DENND2C: variants seen among roughly 807,000 people sequenced by gnomAD.
DENND2C encodes DENN domain-containing protein 2C.
A neutral mutation model predicts 112.4 loss-of-function variants in DENND2C; 72 were observed. The observed-to-expected ratio is 0.64, with a 90% CI of 0.53 to 0.78. The LOEUF is 0.78. Ranked by LOEUF, DENND2C falls within the 30% of genes least tolerant of loss-of-function variation. DENND2C has a pLI of 0.00. For synonymous variants in DENND2C, 329 were observed against 381.6 expected (o/e 0.86, Z 1.61); for missense variants, 992 against 1,113.8 (o/e 0.89, Z 1.56).
chr1:114,632,742 T>A lies in DENND2C; in HGVS notation c.-204-6554A>T, dbSNP rs187162068. ...TGCTTTCAACTTGTGGGGTTTTTTT[T>A]AAATTTTCTATTTAACATTGTTTTA... On this transcript the variant is annotated intron_variant, in intron 3 of 20. Transcript: ENST00000393274. 1.9e-3 allele frequency among the ~76,000 whole-genome samples: 297 copies of A among 152,308 alleles called. 8 individuals are homozygous for A. The highest frequency in any genetic ancestry group is 0.016 in the Admixed American group (241 of 15,296).
chr1:114,667,770 A>G (rs986945644), intron 1 of DENND2C, among the ~76,000 whole-genome samples: 6 of 152,204 alleles, frequency 3.9e-5, no homozygotes, highest in African/African-American at 1.4e-4. Flanking sequence ...AAAGGTTACA[A>G]TCAGGTCCTT....
intron 16 of DENND2C, 35 bp downstream of exon 16, chr1:114,599,239 A>G (rs1316668565): frequency 6.6e-6 from 10 of 1,519,180 alleles, no homozygotes; most frequent in African/African-American, 1.4e-5. Flanking sequence ...TTACTTCTCA[A>G]TGCTCCAATA....
At position 114,600,235 on chromosome 1, in the gene DENND2C, G is replaced by T. The variant is rs200051806; in HGVS notation, c.2074C>A (p.Arg692Ser). 6.2e-7 allele frequency: 1 copy of T among 1,613,856 alleles called. No homozygotes were observed. The highest frequency in any genetic ancestry group is 1.7e-5 in the Admixed American group (1 of 59,972). Residue 692 changes from arginine (R) to serine (S), a missense_variant, in exon 15 of 21, where the codon CGT becomes AGT. By Grantham distance (110) the Arg-to-Ser change is moderately radical (BLOSUM62 -1). Transcript: ENST00000393274. ...CTGTTGGCAACAAAGATTACCCTAC[G>T]CTCCAAAAGGAGAGAGGCACAGACC... ...IRVCASLLLE[R>S]RVIFVANSLS...
At chr1:114,601,242 G>A (rs144227851) in intron 13 of DENND2C, among the ~76,000 whole-genome samples, 2 of 152,286 alleles carry the variant, frequency 1.3e-5, no homozygotes, top group African/African-American at 4.8e-5. Flanking sequence ...CAGTGACAAT[G>A]ATATCCTGCA....
chr1:114,602,839 T>C (rs945344467), intron 11 of DENND2C, among the ~76,000 whole-genome samples: 1 of 152,122 alleles, frequency 6.6e-6, no homozygotes, highest in South Asian at 2.1e-4. Context: ...GCTGGGATTA[T>C]AGACATGAGC....
At chr1:114,639,985 G>T (rs1475102675) in intron 3 of DENND2C, among the ~76,000 whole-genome samples, 1 of 151,382 alleles carries the variant, frequency 6.6e-6, no homozygotes, top group Non-Finnish European at 1.5e-5. Flanking sequence ...ATAATATGTG[G>T]GACTACACAA....
chr1:114,610,463 G>C (rs989461408), intron 9 of DENND2C, among the ~76,000 whole-genome samples: 20 of 152,184 alleles, frequency 1.3e-4, no homozygotes, highest in Admixed American at 2.6e-4. Context: ...CACTTTGGGA[G>C]GCCAAGGCAG....
At chr1:114,616,366 T>A (rs1655972701) in intron 8 of DENND2C, among the ~76,000 whole-genome samples, 1 of 151,262 alleles carries the variant, frequency 6.6e-6, no homozygotes. Flanking sequence ...CACTCCAGCC[T>A]GGGTGACAGA....
chr1:114,625,838 T>G lies in DENND2C; in HGVS notation c.147A>C (p.Arg49Ser), dbSNP rs1656325854. 1.2e-6 allele frequency: 2 copies of G among 1,614,026 alleles called. No homozygotes were observed. Among genetic ancestry groups the G allele is most frequent in the Non-Finnish European group, 1.7e-6 (2 of 1,180,008 alleles). ...EKWCPKDFGV[R>S]YNCHQEIRLK... ...GACGGATCTCTTGGTGACAGTTATA[T>G]CTCACTCCAAAGTCCTTTGGACACC... Residue 49 changes from arginine (R) to serine (S), a missense_variant, in exon 4 of 21, where the codon AGA becomes AGC. Physicochemically the swap from Arg to Ser is moderately radical, Grantham distance 110. Around this residue, in one of 3 missense-constraint regions of DENND2C, gnomAD observed 470 missense variants for 472.7 expected, o/e 0.99. Transcript: ENST00000393274.
At chr1:114,599,700 C>T (rs1655439204) in intron 15 of DENND2C, among the ~76,000 whole-genome samples, 1 of 151,812 alleles carries the variant, frequency 6.6e-6, no homozygotes, top group African/African-American at 2.4e-5. Flanking sequence ...AAAGTATTAC[C>T]AACTTTTGAC....
chr1:114,623,278 A>T (rs1277388718), intron 5 of DENND2C, among the ~76,000 whole-genome samples, 179 bp from the exon 6 acceptor site: 1 of 152,210 alleles, frequency 6.6e-6, no homozygotes, highest in Non-Finnish European at 1.5e-5. Context: ...AGCTAAAAGA[A>T]TTCTCAAAAT....
intron 8 of DENND2C, among the ~76,000 whole-genome samples, chr1:114,612,351 ATTTT>A (rs376474647): frequency 1.4e-5 from 2 of 139,172 alleles, no homozygotes; most frequent in Non-Finnish European, 3.1e-5. Context: ...GCAGTTATAA[ATTTT>A]TTTTTTTTTT....
chr1:114,624,301 T>G (rs1416853363), intron 4 of DENND2C, among the ~76,000 whole-genome samples: 2 of 152,124 alleles, frequency 1.3e-5, no homozygotes, highest in Non-Finnish European at 2.9e-5. Flanking sequence ...GAATTTAATT[T>G]TTATTTTATG....
intron 10 of DENND2C, among the ~76,000 whole-genome samples, chr1:114,607,539 A>T (rs1167249122): frequency 6.6e-6 from 1 of 152,224 alleles, no homozygotes; most frequent in Non-Finnish European, 1.5e-5. Flanking sequence ...TTACACAAAC[A>T]CTATGCAAAG....
intron 7 of DENND2C, among the ~76,000 whole-genome samples, chr1:114,619,707 CTATAGGAAAGATG>C (rs1050945790): frequency 1.3e-4 from 20 of 151,958 alleles, no homozygotes; most frequent in African/African-American, 4.8e-4. Flanking sequence ...GTACTAAGGG[CTATAGGAAAGATG>C]TATGGAAATA....
At chr1:114,655,628 C>A (rs930341938) in intron 1 of DENND2C, among the ~76,000 whole-genome samples, 1 of 151,844 alleles carries the variant, frequency 6.6e-6, no homozygotes, top group Admixed American at 6.6e-5. Flanking sequence ...GGATTACAGG[C>A]GCCCACCACC....
At position 114,650,131 on chromosome 1, in the gene DENND2C, G is replaced by C. The variant is rs192812832; in HGVS notation, c.-317+4374C>G. On this transcript the variant is annotated intron_variant, in intron 2 of 20. Coordinates refer to ENST00000393274, the MANE Select transcript of DENND2C (RefSeq NM_001256404.2). ...GAGGTGAGGAGTTCAAGACCAGCCT[G>C]GCTAACGTGGTGAAACCCTGTTTCT... 2.5e-3 allele frequency among the ~76,000 whole-genome samples: 378 copies of C among 151,534 alleles called. 1 individual carries two copies. The highest frequency in any genetic ancestry group is 0.017 in the Middle Eastern group (5 of 290).
At chr1:114,638,914 A>G (rs939110301) in intron 3 of DENND2C, among the ~76,000 whole-genome samples, 2 of 152,212 alleles carry the variant, frequency 1.3e-5, no homozygotes, top group South Asian at 4.1e-4. Flanking sequence ...GGCAAGCCAC[A>G]GACTGGGAAA....
At chr1:114,627,725 T>C (rs1656384881) in intron 3 of DENND2C, among the ~76,000 whole-genome samples, 1 of 152,188 alleles carries the variant, frequency 6.6e-6, no homozygotes, top group Non-Finnish European at 1.5e-5. Context: ...AATTTAAAGA[T>C]CTAATCTGCT....
Sources: allele counts gnomAD v4.1 joint callset (sites outside exome capture counted in the v4.1 genomes callset), GRCh38; gene constraint gnomAD v4.1.1; regional missense constraint gnomAD v4.1.1; transcripts MANE v1.5; gene names NCBI Gene and HGNC (gene_info 2026-07-23, HGNC 2026-07-21).